EMC4: variants seen among roughly 807,000 people sequenced by gnomAD.
EMC4 encodes ER membrane protein complex subunit 4.
Under a neutral mutation model 24.2 loss-of-function variants are expected in EMC4, and 9 were observed. That is an observed-to-expected ratio of 0.37 (90% CI 0.22 to 0.65). The LOEUF is 0.65. Ranked by LOEUF, EMC4 falls within the 30% of genes least tolerant of loss-of-function variation. The pLI is 0.59. For missense variants in EMC4, 169 were observed against 234.6 expected (o/e 0.72, Z 1.83); for synonymous variants, 86 against 81.1 (o/e 1.06, Z -0.32).
At chr15:34,228,041 G>T in intron 3 of EMC4, 195 bp downstream of exon 3, 1 of 520,556 alleles carries the variant, frequency 1.9e-6, no homozygotes, top group Non-Finnish European at 3.4e-6. Context: ...AAATTAGCTG[G>T]GCGTGGTGGC....
In EMC4 at chr15:34,228,560, G is replaced by T. The variant is rs1890718845; in HGVS notation, c.487G>T (p.Asp163Tyr). Residue 163 changes from aspartate (D) to tyrosine (Y), a missense_variant, in exon 4 of 5, where the codon GAT becomes TAT. Asp to Tyr is a radical substitution (Grantham distance 160, BLOSUM62 -3). Transcript: ENST00000267750. Reference sequence around the variant, plus strand: ...GGGACTGTTACCTACACATGCATCGGATTGGTTAGCCTTCATTGAGCCCCC... The same window carrying T: ...GGGACTGTTACCTACACATGCATCGTATTGGTTAGCCTTCATTGAGCCCCC... ...SMGLLPTHAS[D>Y]WLAFIEPPER... 1.2e-6 allele frequency: 2 copies of T among 1,613,822 alleles called. No individual in the cohort carries two copies. Among genetic ancestry groups the T allele is most frequent in the Admixed American group, 1.7e-5 (1 of 59,932 alleles).
intron 4 of EMC4, 53 bp downstream of exon 4, chr15:34,228,642 C>G: frequency 7.2e-7 from 1 of 1,379,872 alleles, no homozygotes; most frequent in Non-Finnish European, 9.9e-7. Flanking sequence ...CAGTGAATAG[C>G]TGACCTACTT....
At position 34,229,807 on chromosome 15, in the gene EMC4, T is replaced by TG. The variant is rs1244384580; in HGVS notation, c.*21dup. On this transcript the variant is annotated 3_prime_UTR_variant, in exon 5 of 5. Transcript: ENST00000267750. ...TTTGTGAACATGAGAAAGCAGCGCCTGGTCCCTATGTATTTGGGTCTTATT... is the reference window on the plus strand; with the variant it reads ...TTTGTGAACATGAGAAAGCAGCGCCTGGGTCCCTATGTATTTGGGTCTTATT... The TG allele has an allele frequency of 6.2e-7, 1 of 1,612,216 alleles. No individual in the cohort carries two copies. Among genetic ancestry groups the TG allele is most frequent in the Non-Finnish European group, 8.5e-7 (1 of 1,178,374 alleles).
At position 34,227,633 on chromosome 15, in the gene EMC4, A is replaced by G. The variant is rs1595381384; in HGVS notation, c.202-60A>G. On this transcript the variant is annotated intron_variant, in intron 2 of 4. Transcript: ENST00000267750. ...GTTCATGTGATTTAGCATCAGTGATATGGCAAATGTGGGACTAAGGGTAGT... is the reference window on the plus strand; with the variant it reads ...GTTCATGTGATTTAGCATCAGTGATGTGGCAAATGTGGGACTAAGGGTAGT... 1.9e-6 allele frequency: 3 copies of G among 1,557,162 alleles called. No individual in the cohort carries two copies. In the East Asian group the frequency reaches 6.8e-5, roughly 35 times the overall value.
At position 34,227,814 on chromosome 15, in the gene EMC4, G is replaced by A. The variant is rs1341869370; in HGVS notation, c.323G>A (p.Arg108Gln). 6.2e-7 allele frequency: 1 copy of A among 1,613,992 alleles called. No individual in the cohort carries two copies. Among genetic ancestry groups the A allele is most frequent in the Non-Finnish European group, 8.5e-7 (1 of 1,179,950 alleles). ...ATGATGGTGTGTATGATGGCCTGGCGACCCATTCAGGCACTTATGGCCATT... is the reference window on the plus strand; with the variant it reads ...ATGATGGTGTGTATGATGGCCTGGCAACCCATTCAGGCACTTATGGCCATT... ...PTMMVCMMAWRPIQALMAISA... is the reference protein window; with the variant it reads ...PTMMVCMMAWQPIQALMAISA... Residue 108 changes from arginine to glutamine, a missense_variant, in exon 3 of 5, where the codon CGA becomes CAA. By Grantham distance (43) the Arg-to-Gln change is conservative (BLOSUM62 1). Transcript: ENST00000267750.
intron 4 of EMC4, 87 bp from the exon 5 acceptor site, chr15:34,229,666 G>T (rs1407512534): frequency 1.3e-6 from 1 of 782,064 alleles, no homozygotes; most frequent in South Asian, 1.8e-5. Flanking sequence ...AATAGAGCTT[G>T]TGGTTAAAGT....
chr15:34,229,052 AATTT>A (rs905405817), intron 4 of EMC4: 2 of 160,042 alleles, frequency 1.2e-5, no homozygotes, highest in African/African-American at 4.9e-5. Flanking sequence ...TTAATTAATT[AATTT>A]ATTTATTTTG....
At chr15:34,227,948 C>G in intron 3 of EMC4, 102 bp downstream of exon 3, 3 of 1,231,702 alleles carry the variant, frequency 2.4e-6, no homozygotes, top group Non-Finnish European at 3.5e-6. Context: ...TGGGAGGCGC[C>G]AAGCTGGGTG....
Position 34,227,813 on chromosome 15 carries a change from C to T in EMC4, c.322C>T (p.Arg108Ter), listed in dbSNP as rs779743332. 3.7e-6 allele frequency: 6 copies of T among 1,613,788 alleles called. No individual in the cohort carries two copies. Among genetic ancestry groups the T allele is most frequent in the African/African-American group, 2.7e-5 (2 of 74,888 alleles). Reference protein sequence around the residue: ...PTMMVCMMAWRPIQALMAISA... With the variant: ...PTMMVCMMAW ...TATGATGGTGTGTATGATGGCCTGGCGACCCATTCAGGCACTTATGGCCAT... is the reference window on the plus strand; with the variant it reads ...TATGATGGTGTGTATGATGGCCTGGTGACCCATTCAGGCACTTATGGCCAT... Residue 108 changes from arginine to a stop codon, truncating the protein, a stop_gained, in exon 3 of 5, where the codon CGA becomes TGA. Transcript: ENST00000267750. LOFTEE classifies it high-confidence loss of function.
chr15:34,226,672 G>C (rs890047388), intron 2 of EMC4: 7 of 152,126 alleles, frequency 4.6e-5, no homozygotes, highest in African/African-American at 1.5e-4. Context: ...CTCCCGAGTA[G>C]CTGGGATTAT....
Position 34,228,475 on chromosome 15 carries a change from G to A in EMC4, c.402G>A (p.Leu134=). The part of the protein sequence containing the change: ...ESSSQKFLQG[L]VYLIGNLMGL... ...CAAGCCAGAAGTTTCTTCAGGGTTTGGTCTATCTCATTGGGAACCTGATGG... is the reference window on the plus strand; with the variant it reads ...CAAGCCAGAAGTTTCTTCAGGGTTTAGTCTATCTCATTGGGAACCTGATGG... The change falls in exon 4 of 5, where the codon TTG becomes TTA. Residue 134 remains leucine (L), a synonymous_variant. Coordinates refer to ENST00000267750, the MANE Select transcript of EMC4 (RefSeq NM_016454.4). 6.2e-7 allele frequency: 1 copy of A among 1,614,060 alleles called. No homozygotes were observed. The highest frequency in any genetic ancestry group is 1.7e-5 in the Admixed American group (1 of 60,004).
chr15:34,225,305 C>G, intron 1 of EMC4, 105 bp downstream of exon 1: 2 of 1,025,902 alleles, frequency 1.9e-6, no homozygotes, highest in Non-Finnish European at 2.8e-6. Flanking sequence ...GGGTGGCACA[C>G]AGACATCACC....
rs1890684907 is a variant in EMC4 at position 34,227,841 on chromosome 15, C to G, written c.350C>G (p.Ser117Ter). Residue 117 changes from serine (S) to a stop codon, truncating the protein, a stop_gained, in exon 3 of 5, where the codon TCA becomes TGA. Transcript: ENST00000267750. LOFTEE classifies it high-confidence loss of function. ...WRPIQALMAI[S>*]ATFKMLESSS... is the part of the protein sequence containing the mutation. ...CCCATTCAGGCACTTATGGCCATTT[C>G]AGCCAGTAAGTATTCTTGAAACAAT... is the stretch of plus-strand genomic sequence containing the variant. 1.9e-6 allele frequency: 3 copies of G among 1,613,548 alleles called. No homozygotes were observed. The East Asian group carries it at 6.7e-5, about 36-fold the overall frequency.
chr15:34,228,073 C>T, intron 3 of EMC4: 2 of 466,364 alleles, frequency 4.3e-6, no homozygotes, highest in Non-Finnish European at 7.8e-6. Context: ...ATCCCAGCTG[C>T]TTGGGAGGCT....
intron 2 of EMC4, chr15:34,226,066 A>G (rs887375275): frequency 2.0e-5 from 7 of 349,302 alleles, no homozygotes; most frequent in Non-Finnish European, 2.8e-5. Context: ...TAATTTTTGT[A>G]TTTTTAGTAC....
At chr15:34,225,499 G>C in intron 1 of EMC4, 37 bp from the exon 2 acceptor site, 3 of 1,447,624 alleles carry the variant, frequency 2.1e-6, no homozygotes, top group Non-Finnish European at 1.9e-6. Context: ...AGAAGTATCG[G>C]AGGTTGCAGC....
chr15:34,228,611 AT>A (rs757104257), intron 4 of EMC4, 22 bp downstream of exon 4: 56 of 1,601,966 alleles, frequency 3.5e-5, no homozygotes, highest in Non-Finnish European at 4.7e-5. Context: ...GAAAAGCTGA[AT>A]TTTGGGTAGT....
intron 2 of EMC4, 163 bp from the exon 3 acceptor site, chr15:34,227,530 C>A: frequency 1.6e-6 from 1 of 639,910 alleles, no homozygotes; most frequent in Non-Finnish European, 2.7e-6. Flanking sequence ...GGAGAGCCTT[C>A]CTGTGGCAAC....
chr15:34,228,331 T>C (rs969350517), intron 3 of EMC4, 98 bp from the exon 4 acceptor site: 2 of 1,300,918 alleles, frequency 1.5e-6, no homozygotes, highest in African/African-American at 2.9e-5. Context: ...TTTGCTGTCT[T>C]ACTATGGGTC....
Sources: allele counts gnomAD v4.1 joint callset, GRCh38; gene constraint gnomAD v4.1.1; transcripts MANE v1.5; gene names NCBI Gene and HGNC (gene_info 2026-07-23, HGNC 2026-07-21).